PLXNA4: variants seen among roughly 807,000 people sequenced by gnomAD.
The protein encoded by PLXNA4 is plexin A4.
PLXNA4 carries 44 observed loss-of-function variants against 191.8 expected under a neutral mutation model. The ratio of observed to expected loss-of-function variants is 0.23; its 90% CI spans 0.18 to 0.29. The LOEUF (loss-of-function observed/expected upper bound fraction) is 0.29, where lower values mean the gene tolerates loss of function less well. PLXNA4 is among the 10% of genes least tolerant of loss of function. PLXNA4 has a pLI of 1.00. For missense variants in PLXNA4, 1,800 were observed against 2,488.8 expected (o/e 0.72, Z 5.89); for synonymous variants, 1,082 against 1,009.5 (o/e 1.07, Z -1.36).
chr7:132,375,667 G>A (rs978787733), intron 3 of PLXNA4, among the ~76,000 whole-genome samples: 2 of 152,128 alleles, frequency 1.3e-5, no homozygotes, highest in Admixed American at 6.5e-5. Context: ...GGAAGAGGAG[G>A]ACAGGAAGGA....
chr7:132,364,530 C>T (rs1330127249), intron 3 of PLXNA4, among the ~76,000 whole-genome samples: 3 of 152,112 alleles, frequency 2.0e-5, no homozygotes, highest in African/African-American at 4.8e-5. Context: ...GCAGCCAGCT[C>T]GACAGGCTCT....
intron 1 of PLXNA4, among the ~76,000 whole-genome samples, chr7:132,533,122 G>T (rs1799690986): frequency 6.6e-6 from 1 of 152,136 alleles, no homozygotes; most frequent in African/African-American, 2.4e-5. Flanking sequence ...GTTCTACTTT[G>T]CACTTGCCAT....
At chr7:132,442,984 C>G (rs1457811793) in intron 3 of PLXNA4, among the ~76,000 whole-genome samples, 1 of 152,126 alleles carries the variant, frequency 6.6e-6, no homozygotes, top group East Asian at 1.9e-4. Context: ...CTCTGCTTAC[C>G]CAGCCCGTGC....
At chr7:132,424,762 C>G (rs1185873108) in intron 3 of PLXNA4, among the ~76,000 whole-genome samples, 2 of 152,176 alleles carry the variant, frequency 1.3e-5, no homozygotes, top group Non-Finnish European at 2.9e-5. Context: ...CATACATGTA[C>G]CAAAACATCA....
At chr7:132,458,471 C>T (rs1217003674) in intron 3 of PLXNA4, among the ~76,000 whole-genome samples, 1 of 151,766 alleles carries the variant, frequency 6.6e-6, no homozygotes, top group Non-Finnish European at 1.5e-5. Flanking sequence ...CAACGGAATG[C>T]TACACAGCAA....
chr7:132,537,351 A>T (rs745362165), intron 1 of PLXNA4, among the ~76,000 whole-genome samples: 3 of 152,258 alleles, frequency 2.0e-5, no homozygotes, highest in Non-Finnish European at 4.4e-5. Flanking sequence ...AGCACGACAA[A>T]TGAAAACTTT....
chr7:132,455,208 G>A (rs957924034), intron 3 of PLXNA4, among the ~76,000 whole-genome samples: 2 of 152,208 alleles, frequency 1.3e-5, no homozygotes, highest in African/African-American at 2.4e-5. Context: ...CTCCTGGCAG[G>A]TGCCTGAAAA....
intron 1 of PLXNA4, among the ~76,000 whole-genome samples, chr7:132,566,878 G>T (rs1801750555): frequency 6.6e-6 from 1 of 152,180 alleles, no homozygotes; most frequent in Non-Finnish European, 1.5e-5. Context: ...GAGGCAGGCG[G>T]TGCCTCTGAA....
intron 9 of PLXNA4, among the ~76,000 whole-genome samples, chr7:132,222,476 TC>T: frequency 6.8e-6 from 1 of 146,970 alleles, no homozygotes; most frequent in East Asian, 2.1e-4. Flanking sequence ...CCTGCCCCCC[TC>T]CCCCCACCAA....
chr7:132,455,406 G>T (rs1025150633), intron 3 of PLXNA4, among the ~76,000 whole-genome samples: 8 of 152,038 alleles, frequency 5.3e-5, no homozygotes, highest in Non-Finnish European at 1.2e-4. Context: ...GGAGGAGAGG[G>T]CCAGGCCACA....
chr7:132,418,926 A>G (rs1463211128), intron 3 of PLXNA4, among the ~76,000 whole-genome samples: 1 of 152,106 alleles, frequency 6.6e-6, no homozygotes, highest in Admixed American at 6.5e-5. Flanking sequence ...ATCACTATTG[A>G]TGTTTTTCAA....
In PLXNA4 at chr7:132,349,150, T is replaced by A. The variant is rs1311001102; in HGVS notation, c.1372-50928A>T. Among the ~76,000 whole-genome samples the A allele has an allele frequency of 2.1e-5, 3 of 141,606 alleles. No homozygotes were observed. The East Asian group carries it at 5.8e-4, about 27-fold the overall frequency. The allele number at this position is 141,606 out of a possible 152,430, so 92.9% of individuals were successfully genotyped here. ...ACATGTTTGAGCTTTTCTTGAAAGATTTTTTTTAAATAAATAAAAGGGTTA... is the reference window on the plus strand; with the variant it reads ...ACATGTTTGAGCTTTTCTTGAAAGAATTTTTTTAAATAAATAAAAGGGTTA... On this transcript the variant is annotated intron_variant, in intron 3 of 31. Coordinates refer to ENST00000321063, the MANE Select transcript of PLXNA4 (RefSeq NM_020911.2).
chr7:132,606,138 T>C (rs1802919631), intron 2 of PLXNA4, among the ~76,000 whole-genome samples: 1 of 152,280 alleles, frequency 6.6e-6, no homozygotes, highest in South Asian at 2.1e-4. Context: ...CACTCCAGCC[T>C]AGGCGACACA....
At chr7:132,377,930 C>G (rs1055167875) in intron 3 of PLXNA4, among the ~76,000 whole-genome samples, 3 of 152,098 alleles carry the variant, frequency 2.0e-5, no homozygotes, top group African/African-American at 7.2e-5. Context: ...AGGCCGCGAG[C>G]TGAAACTGTG....
intron 18 of PLXNA4, 115 bp from the exon 19 acceptor site, chr7:132,180,847 C>A (rs571644779): frequency 3.4e-6 from 5 of 1,477,918 alleles, no homozygotes; most frequent in East Asian, 2.4e-5. Flanking sequence ...GGTGAAGAAG[C>A]CACCTTTGGT....
intron 3 of PLXNA4, among the ~76,000 whole-genome samples, chr7:132,353,699 T>C (rs1803582417): frequency 6.6e-6 from 1 of 152,168 alleles, no homozygotes; most frequent in Non-Finnish European, 1.5e-5. Flanking sequence ...GCTGTTCTTA[T>C]TTGACCCAAT....
chr7:132,577,043 G>C (rs1802275444), upstream of PLXNA4: 1 of 146,484 alleles, frequency 6.8e-6, no homozygotes, highest in Non-Finnish European at 1.5e-5. Flanking sequence ...TCGCCGGGCA[G>C]TGCCCTGGGG....
chr7:132,557,602 A>G (rs1800860718), intron 1 of PLXNA4, among the ~76,000 whole-genome samples: 1 of 152,036 alleles, frequency 6.6e-6, no homozygotes, highest in Non-Finnish European at 1.5e-5. Context: ...TTGACCAAAG[A>G]CAACAGGAAG....
intron 1 of PLXNA4, among the ~76,000 whole-genome samples, chr7:132,529,664 G>A (rs374033912): frequency 8.7e-5 from 13 of 148,862 alleles, no homozygotes; most frequent in African/African-American, 3.0e-4. Context: ...GGAGTGCAGT[G>A]GTGCGATCTC....
Sources: allele counts gnomAD v4.1 joint callset (sites outside exome capture counted in the v4.1 genomes callset), GRCh38; gene constraint gnomAD v4.1.1; transcripts MANE v1.5; gene names NCBI Gene and HGNC (gene_info 2026-07-23, HGNC 2026-07-21).